Variants in LDB3 observed in about 807,000 individuals in gnomAD.
LDB3 encodes LIM domain binding 3.
In LDB3, 49 loss-of-function variants were observed where a neutral mutation model predicts 69.0. That is an observed-to-expected ratio of 0.71 (90% CI 0.56 to 0.90). LDB3 has a LOEUF of 0.90. LDB3 is among the 40% of genes least tolerant of loss of function. LDB3 has a pLI of 0.00. For synonymous variants in LDB3, 387 were observed against 396.2 expected (o/e 0.98, Z 0.28); for missense variants, 928 against 974.1 (o/e 0.95, Z 0.63).
At chr10:86,712,264 C>G (rs1846697853) in intron 9 of LDB3, among the ~76,000 whole-genome samples, 1 of 152,064 alleles carries the variant, frequency 6.6e-6, no homozygotes, top group South Asian at 2.1e-4. Flanking sequence ...TGTGAGACCT[C>G]TGTGTTGTGG....
chr10:86,687,347 G>A, intron 5 of LDB3: 1 of 1,439,764 alleles, frequency 6.9e-7, no homozygotes, highest in Non-Finnish European at 9.8e-7. Flanking sequence ...GCACCATCGG[G>A]ACCAGCTTTC....
At chr10:86,685,544 C>G in intron 5 of LDB3, 1 of 848,378 alleles carries the variant, frequency 1.2e-6, no homozygotes, top group South Asian at 1.3e-5. Flanking sequence ...TCACTCCTTG[C>G]TCTCCTCACC....
At chr10:86,729,447 G>T (rs73346129) in intron 13 of LDB3, among the ~76,000 whole-genome samples, 1,761 of 152,194 alleles carry the variant, frequency 0.012, 27 homozygotes, top group South Asian at 0.075. Context: ...ACTGGTGTGG[G>T]TATCAGGAGG....
intron 2 of LDB3, among the ~76,000 whole-genome samples, chr10:86,669,993 C>T (rs1288431177): frequency 6.6e-6 from 1 of 151,852 alleles, no homozygotes; most frequent in East Asian, 1.9e-4. Flanking sequence ...ACCTGGGCAG[C>T]GGGTCAGGAG....
intron 13 of LDB3, among the ~76,000 whole-genome samples, chr10:86,726,644 C>T (rs1453248525): frequency 6.6e-6 from 1 of 152,116 alleles, no homozygotes; most frequent in Non-Finnish European, 1.5e-5. Context: ...AGGTTTTCCC[C>T]TCCAAATTGT....
intron 13 of LDB3, among the ~76,000 whole-genome samples, chr10:86,731,255 C>A (rs1271684108): frequency 7.4e-6 from 1 of 135,232 alleles, no homozygotes; most frequent in African/African-American, 2.8e-5. Context: ...GACGGAATCT[C>A]GCTCTGTCGC....
intron 13 of LDB3, among the ~76,000 whole-genome samples, chr10:86,730,332 C>T (rs1847412062): frequency 6.6e-6 from 1 of 152,328 alleles, no homozygotes; most frequent in Non-Finnish European, 1.5e-5. Context: ...CTGGAGATGG[C>T]TCCCAATTCT....
intron 9 of LDB3, among the ~76,000 whole-genome samples, chr10:86,712,708 T>A (rs964868727): frequency 2.6e-5 from 4 of 152,224 alleles, no homozygotes; most frequent in African/African-American, 9.6e-5. Context: ...GCCACATTTT[T>A]AAAAAATAAA....
At chr10:86,678,837 G>C (rs761384689) in intron 2 of LDB3, among the ~76,000 whole-genome samples, 3 of 150,546 alleles carry the variant, frequency 2.0e-5, no homozygotes, top group African/African-American at 4.9e-5. Context: ...CAGGGTCTGG[G>C]CTCCTTTGCC....
At chr10:86,684,781 C>T (rs61662518) in intron 5 of LDB3, among the ~76,000 whole-genome samples, 6,179 of 152,244 alleles carry the variant, frequency 0.041, 331 homozygotes, top group East Asian at 0.16. Flanking sequence ...GGGGACAGAG[C>T]CCCCCACCTT....
chr10:86,711,304 C>T (rs535159911), intron 9 of LDB3, among the ~76,000 whole-genome samples: 1 of 152,118 alleles, frequency 6.6e-6, no homozygotes, highest in African/African-American at 2.4e-5. Flanking sequence ...CCAGCCCGCC[C>T]TGCGTCTCCT....
chr10:86,686,495 G>A (rs1845473349), intron 5 of LDB3, among the ~76,000 whole-genome samples: 1 of 152,172 alleles, frequency 6.6e-6, no homozygotes, highest in South Asian at 2.1e-4. Flanking sequence ...CACTGCAGGG[G>A]AGCTGGGAAA....
chr10:86,726,292 G>T, intron 13 of LDB3, 40 bp downstream of exon 13: 1 of 1,544,814 alleles, frequency 6.5e-7, no homozygotes, highest in Non-Finnish European at 8.9e-7. Context: ...CTGAGAAGAG[G>T]CAGGAGGGAG....
At chr10:86,677,047 C>A (rs1844832163) in intron 2 of LDB3, among the ~76,000 whole-genome samples, 1 of 152,188 alleles carries the variant, frequency 6.6e-6, no homozygotes, top group Admixed American at 6.5e-5. Context: ...TGGGATGTGC[C>A]CAGAGAAGCC....
intron 5 of LDB3, 85 bp downstream of exon 5, chr10:86,681,888 G>C: frequency 7.1e-7 from 1 of 1,404,418 alleles, no homozygotes; most frequent in Non-Finnish European, 9.7e-7. Flanking sequence ...CAGGTGGTCA[G>C]AGCGAGGCAC....
At chr10:86,690,838 C>T (rs911697963) in intron 5 of LDB3, among the ~76,000 whole-genome samples, 1 of 152,236 alleles carries the variant, frequency 6.6e-6, no homozygotes, top group African/African-American at 2.4e-5. Context: ...GGGCTAGCAG[C>T]CAGGAAACCT....
In LDB3 at chr10:86,719,024, A is replaced by G. The variant is rs535029718; in HGVS notation, c.1978+177A>G. ...AATCATGCTAATATCACACAAAGGA[A>G]GTTAACTATCTCCCCTGCCCATATG... is the stretch of plus-strand genomic sequence containing the variant. On this transcript the variant is annotated intron_variant, in intron 12 of 13. Transcript: ENST00000361373. 9.2e-5 allele frequency among the ~76,000 whole-genome samples: 14 copies of G among 152,290 alleles called. 1 individual carries two copies. Among genetic ancestry groups the G allele is most frequent in the African/African-American group, 2.9e-4 (12 of 41,552 alleles).
At chr10:86,717,348 A>G (rs561914359) in intron 10 of LDB3, among the ~76,000 whole-genome samples, 6 of 152,284 alleles carry the variant, frequency 3.9e-5, no homozygotes, top group African/African-American at 1.2e-4. Flanking sequence ...AGTAATACAT[A>G]CTCATTAGTG....
At chr10:86,683,832 G>A (rs112789346) in intron 5 of LDB3, among the ~76,000 whole-genome samples, 1 of 152,350 alleles carries the variant, frequency 6.6e-6, no homozygotes, top group African/African-American at 2.4e-5. Context: ...CTTATCCATG[G>A]CACACTTCTC....
Sources: gnomAD v4.1 joint callset for allele counts (sites outside exome capture counted in the v4.1 genomes callset) on GRCh38, gnomAD v4.1.1 for gene constraint, MANE v1.5 for transcripts, NCBI Gene and HGNC (gene_info 2026-07-23, HGNC 2026-07-21) for gene names.